The following NKAIN2 variants were observed in gnomAD, a reference collection of about 807,000 sequenced individuals.
The protein encoded by NKAIN2 is sodium/potassium transporting ATPase interacting 2, also known as sodium/potassium-transporting ATPase subunit beta-1-interacting protein 2.
In NKAIN2, 14 loss-of-function variants were observed where a neutral mutation model predicts 32.6. That is an observed-to-expected ratio of 0.43 (90% CI 0.28 to 0.67). NKAIN2 has a LOEUF of 0.67. NKAIN2 is among the 30% of genes least tolerant of loss of function. The pLI is 0.17. For synonymous variants in NKAIN2, 80 were observed against 87.2 expected (o/e 0.92, Z 0.46); for missense variants, 198 against 258.3 (o/e 0.77, Z 1.60).
Position 124,189,590 on chromosome 6 carries a change from C to G in NKAIN2, c.55-93415C>G, listed in dbSNP as rs1041758948. Among the ~76,000 whole-genome samples, 4 of 152,216 alleles carry G rather than the reference C, an allele frequency of 2.6e-5. No individual in the cohort carries two copies. The East Asian group carries it at 7.7e-4, about 29-fold the overall frequency. On this transcript the variant is annotated intron_variant, in intron 1 of 6. Transcript: ENST00000368417. ...TGGCACGCACCTGTAGTCCCAGCTA[C>G]TCAGGAGGCTAAGGCAGGAGGCGGA...
At chr6:124,420,966 C>T (rs749025710) in intron 3 of NKAIN2, among the ~76,000 whole-genome samples, 2 of 150,200 alleles carry the variant, frequency 1.3e-5, no homozygotes, top group Admixed American at 6.7e-5. Context: ...CACATGCATA[C>T]GTGATATAAA....
At chr6:123,893,562 C>A (rs1189608980) in intron 1 of NKAIN2, among the ~76,000 whole-genome samples, 1 of 152,152 alleles carries the variant, frequency 6.6e-6, no homozygotes, top group Non-Finnish European at 1.5e-5. Context: ...TGTTGATCCA[C>A]TCATTTTAAA....
At chr6:124,569,670 C>T (rs1034926892) in intron 3 of NKAIN2, among the ~76,000 whole-genome samples, 1 of 152,152 alleles carries the variant, frequency 6.6e-6, no homozygotes, top group Non-Finnish European at 1.5e-5. Context: ...TCACCCTCTG[C>T]CATGATTCTG....
intron 1 of NKAIN2, among the ~76,000 whole-genome samples, chr6:124,216,465 C>T (rs1490974635): frequency 6.6e-6 from 1 of 152,214 alleles, no homozygotes; most frequent in Non-Finnish European, 1.5e-5. Context: ...ATACTCAACA[C>T]GCATATGCCC....
chr6:124,373,632 A>G (rs1220018299), intron 3 of NKAIN2, among the ~76,000 whole-genome samples: 1 of 152,144 alleles, frequency 6.6e-6, no homozygotes, highest in Non-Finnish European at 1.5e-5. Flanking sequence ...AGGATCCAGA[A>G]AAGGAGACAA....
intron 2 of NKAIN2, among the ~76,000 whole-genome samples, chr6:124,324,104 C>T (rs1179422237): frequency 1.3e-5 from 2 of 152,056 alleles, no homozygotes; most frequent in African/African-American, 4.8e-5. Flanking sequence ...TTCTAACTTT[C>T]TGTAAAAATT....
At chr6:124,310,704 G>A (rs1279798977) in intron 2 of NKAIN2, among the ~76,000 whole-genome samples, 1 of 152,152 alleles carries the variant, frequency 6.6e-6, no homozygotes, top group Non-Finnish European at 1.5e-5. Flanking sequence ...CTCCACTGAA[G>A]TCAGAGGTGA....
chr6:124,013,324 T>C (rs1780420704), intron 1 of NKAIN2, among the ~76,000 whole-genome samples: 1 of 152,204 alleles, frequency 6.6e-6, no homozygotes, highest in Admixed American at 6.5e-5. Context: ...GTAAATTTTA[T>C]CAATCTTTAT....
At chr6:124,662,119 T>G (rs372686168) in intron 4 of NKAIN2, among the ~76,000 whole-genome samples, 3 of 152,048 alleles carry the variant, frequency 2.0e-5, no homozygotes, top group East Asian at 3.9e-4. Flanking sequence ...ATTCCCGGAG[T>G]GTAAAAATTC....
At chr6:123,873,846 A>G (rs953437593) in intron 1 of NKAIN2, among the ~76,000 whole-genome samples, 4 of 152,306 alleles carry the variant, frequency 2.6e-5, no homozygotes, top group African/African-American at 9.6e-5. Flanking sequence ...TCTTTATTGT[A>G]TGTAGAGTTT....
chr6:124,552,489 A>G (rs1006787556), intron 3 of NKAIN2, among the ~76,000 whole-genome samples: 7 of 152,220 alleles, frequency 4.6e-5, no homozygotes, highest in Non-Finnish European at 8.8e-5. Flanking sequence ...AGACTGGTCT[A>G]TGGAGATTCA....
At chr6:124,723,069 A>G (rs1776101416) in intron 4 of NKAIN2, among the ~76,000 whole-genome samples, 1 of 152,136 alleles carries the variant, frequency 6.6e-6, no homozygotes, top group African/African-American at 2.4e-5. Context: ...TTGATACACA[A>G]CCTACCATAT....
intron 2 of NKAIN2, among the ~76,000 whole-genome samples, chr6:124,292,768 G>C (rs957216429): frequency 2.0e-5 from 3 of 152,020 alleles, no homozygotes; most frequent in Non-Finnish European, 2.9e-5. Flanking sequence ...TGTATCCTAG[G>C]CAGACTCTCA....
intron 2 of NKAIN2, among the ~76,000 whole-genome samples, chr6:124,338,662 A>G (rs538722453): frequency 6.6e-6 from 1 of 152,196 alleles, no homozygotes; most frequent in Non-Finnish European, 1.5e-5. Flanking sequence ...AAAGTCTTAT[A>G]TTGTTAGAAT....
chr6:123,834,373 T>C (rs1004440560), intron 1 of NKAIN2, among the ~76,000 whole-genome samples: 4 of 151,948 alleles, frequency 2.6e-5, no homozygotes, highest in Non-Finnish European at 5.9e-5. Context: ...CAGGCTGGTC[T>C]TGAACTCCTG....
At chr6:124,156,556 A>G (rs1252464413) in intron 1 of NKAIN2, among the ~76,000 whole-genome samples, 4 of 152,170 alleles carry the variant, frequency 2.6e-5, no homozygotes, top group African/African-American at 9.7e-5. Context: ...AGTTCAGTGT[A>G]TCTGAAACAT....
intron 1 of NKAIN2, among the ~76,000 whole-genome samples, chr6:124,268,395 T>C (rs924542782): frequency 3.3e-5 from 5 of 152,174 alleles, no homozygotes; most frequent in African/African-American, 1.2e-4. Context: ...TATTTTTTTC[T>C]CCCAATAGTA....
At chr6:124,354,308 T>C (rs766327050) in intron 2 of NKAIN2, among the ~76,000 whole-genome samples, 29 of 152,172 alleles carry the variant, frequency 1.9e-4, no homozygotes, top group Admixed American at 5.2e-4. Flanking sequence ...GAATTCATCA[T>C]TGGTCTTTGC....
At chr6:124,616,961 C>T (rs1782929539) in intron 3 of NKAIN2, among the ~76,000 whole-genome samples, 1 of 152,138 alleles carries the variant, frequency 6.6e-6, no homozygotes, top group African/African-American at 2.4e-5. Flanking sequence ...TTCAACAGCT[C>T]TCTGCTTCCT....
Sources: allele counts gnomAD v4.1 joint callset (sites outside exome capture counted in the v4.1 genomes callset), GRCh38; gene constraint gnomAD v4.1.1; transcripts MANE v1.5; gene names NCBI Gene and HGNC (gene_info 2026-07-23, HGNC 2026-07-21).